The following PIAS2 variants were observed in gnomAD, a reference collection of about 807,000 sequenced individuals.
PIAS2 encodes E3 SUMO-protein ligase PIAS2.
PIAS2 carries 19 observed loss-of-function variants against 69.7 expected under a neutral mutation model. The ratio of observed to expected loss-of-function variants is 0.27; its 90% CI spans 0.19 to 0.40. The LOEUF (loss-of-function observed/expected upper bound fraction) is 0.40, where lower values mean the gene tolerates loss of function less well. Among genes scored for constraint, PIAS2 ranks in the 10% least tolerant of loss-of-function variants. The pLI, the probability that PIAS2 is intolerant of heterozygous loss-of-function variation, is 1.00. For synonymous variants in PIAS2, 261 were observed against 263.2 expected (o/e 0.99, Z 0.08); for missense variants, 624 against 757.0 (o/e 0.82, Z 2.06).
intron 3 of PIAS2, among the ~76,000 whole-genome samples, chr18:46,856,243 C>T (rs1467807256): frequency 1.3e-5 from 2 of 151,860 alleles, no homozygotes; most frequent in Non-Finnish European, 2.9e-5. Context: ...CCTCGTGATC[C>T]GTCCGCCTTG....
At chr18:46,885,701 ATAGG>A (rs920851517) in intron 2 of PIAS2, among the ~76,000 whole-genome samples, 13 of 151,836 alleles carry the variant, frequency 8.6e-5, no homozygotes, top group African/African-American at 2.9e-4. Context: ...AAAAACAGTG[ATAGG>A]TAGGATTCCT....
At chr18:46,900,643 C>A (rs1598988703) in intron 1 of PIAS2, among the ~76,000 whole-genome samples, 1 of 151,488 alleles carries the variant, frequency 6.6e-6, no homozygotes, top group Non-Finnish European at 1.5e-5. Flanking sequence ...TGCCAATATT[C>A]CCAGCCTGGG....
intron 2 of PIAS2, among the ~76,000 whole-genome samples, chr18:46,888,295 A>T (rs1361469300): frequency 6.6e-6 from 1 of 152,118 alleles, no homozygotes; most frequent in South Asian, 2.1e-4. Flanking sequence ...GAAAGACTTA[A>T]TATTGCTAAG....
intron 5 of PIAS2, among the ~76,000 whole-genome samples, chr18:46,848,693 G>C (rs2046507987): frequency 6.6e-6 from 1 of 152,010 alleles, no homozygotes; most frequent in South Asian, 2.1e-4. Context: ...AAAAACGTTT[G>C]AGCAGGGGAA....
At chr18:46,830,016 A>G (rs1012692128) in intron 9 of PIAS2, 149 bp from the exon 10 acceptor site, 17 of 626,294 alleles carry the variant, frequency 2.7e-5, no homozygotes, top group Non-Finnish European at 4.6e-5. Context: ...CTTTACAACA[A>G]TTATTACACT....
At chr18:46,870,115 A>T (rs1215107426) in intron 2 of PIAS2, among the ~76,000 whole-genome samples, 3 of 151,874 alleles carry the variant, frequency 2.0e-5, no homozygotes, top group Non-Finnish European at 4.4e-5. Context: ...TGCCCTCCCT[A>T]ACCACACGTC....
Position 46,888,804 on chromosome 18 carries a change from T to TTCCTGCTGCTCACC in PIAS2, c.499+1762_499+1775dup, listed in dbSNP as rs529727048. Among the ~76,000 whole-genome samples the TTCCTGCTGCTCACC allele has an allele frequency of 2.0e-3, 309 of 152,272 alleles. 1 individual carries two copies. The highest frequency in any genetic ancestry group is 7.2e-3 in the African/African-American group (299 of 41,550). ...TGGAGCTCAGGCTGTAATGCTCGAATTCCTGCTGCTCACCTCCTGCTGCTC... is the reference window on the plus strand; with the variant it reads ...TGGAGCTCAGGCTGTAATGCTCGAATTCCTGCTGCTCACCTCCTGCTGCTCACCTCCTGCTGCTC... On this transcript the variant is annotated intron_variant, in intron 2 of 13. Coordinates refer to ENST00000585916, the MANE Select transcript of PIAS2 (RefSeq NM_004671.5).
rs1226622559 is a variant in PIAS2 at position 46,810,910 on chromosome 18, G to A, written c.*1523C>T. ...TTAAAAAAAGGACTTTGTTTTTAAG[G>A]TAGATAAAGCTTAGAGAGAGAAAGC... On this transcript the variant is annotated 3_prime_UTR_variant, in exon 14 of 14. Coordinates refer to ENST00000585916, the MANE Select transcript of PIAS2 (RefSeq NM_004671.5). 2 of 152,022 alleles carry A rather than the reference G, an allele frequency of 1.3e-5. No homozygotes were observed. The highest frequency in any genetic ancestry group is 2.9e-5 in the Non-Finnish European group (2 of 68,010). 9.4% of individuals were successfully genotyped at this position (152,022 alleles called of 1,614,324 possible).
At chr18:46,916,909 CAAGT>C (rs1402006874) in intron 1 of PIAS2, 1 of 985,416 alleles carries the variant, frequency 1.0e-6, no homozygotes, top group Non-Finnish European at 1.2e-6. Flanking sequence ...AGTCCTCCAC[CAAGT>C]GAGTAGCATG....
At chr18:46,903,674 T>C (rs1166092220) in intron 1 of PIAS2, 3 of 152,144 alleles carry the variant, frequency 2.0e-5, no homozygotes, top group African/African-American at 7.2e-5. Flanking sequence ...AAACTATACA[T>C]ACAATGACCA....
chr18:46,837,098 A>C (rs546205510), intron 8 of PIAS2, among the ~76,000 whole-genome samples: 69 of 152,238 alleles, frequency 4.5e-4, no homozygotes, highest in African/African-American at 1.7e-3. Context: ...TATTTCTAAG[A>C]TTTTTATATT....
chr18:46,906,770 GT>G lies in PIAS2; in HGVS notation c.24+10551del, dbSNP rs1283853658. Among the ~76,000 whole-genome samples the G allele has an allele frequency of 2.8e-4, 33 of 119,300 alleles. 2 individuals carry two copies. Among genetic ancestry groups the G allele is most frequent in the East Asian group, 1.2e-3 (5 of 4,050 alleles). 78.3% of individuals were successfully genotyped at this position (119,300 alleles called of 152,430 possible). ...AAATACCAACAAGATGTATGTGTGT[GT>G]GTGGGGGGGGGGGGAGGTGTATAAC... On this transcript the variant is annotated intron_variant, in intron 1 of 13. Transcript: ENST00000585916.
At chr18:46,853,199 C>G (rs898233705) in intron 5 of PIAS2, 1 of 151,640 alleles carries the variant, frequency 6.6e-6, no homozygotes, top group Admixed American at 6.6e-5. Context: ...ATCGCTTGAG[C>G]CTCTAGGAGG....
At chr18:46,843,556 G>T (rs1020446402) in intron 8 of PIAS2, among the ~76,000 whole-genome samples, 2 of 152,130 alleles carry the variant, frequency 1.3e-5, no homozygotes, top group Non-Finnish European at 2.9e-5. Context: ...TAGCTCAGTG[G>T]CAAGTACACA....
chr18:46,855,860 T>A (rs1239288142), intron 3 of PIAS2, among the ~76,000 whole-genome samples: 1 of 152,140 alleles, frequency 6.6e-6, no homozygotes, highest in Non-Finnish European at 1.5e-5. Context: ...GGAACTTTGA[T>A]GATGCAAAAT....
chr18:46,916,754 G>T, intron 1 of PIAS2: 1 of 904,064 alleles, frequency 1.1e-6, no homozygotes, highest in Non-Finnish European at 1.3e-6. Flanking sequence ...TTGAAGGCAG[G>T]GATCCCCAAA....
intron 1 of PIAS2, among the ~76,000 whole-genome samples, chr18:46,898,092 T>A (rs532090908): frequency 6.6e-6 from 1 of 152,126 alleles, no homozygotes; most frequent in Non-Finnish European, 1.5e-5. Flanking sequence ...TGGGTCCAAG[T>A]GATCCTTCCA....
chr18:46,871,299 C>T (rs981600734), intron 2 of PIAS2, among the ~76,000 whole-genome samples: 2 of 152,112 alleles, frequency 1.3e-5, no homozygotes, highest in Admixed American at 6.6e-5. Context: ...AGACAAGGCC[C>T]ACTGATACTA....
intron 2 of PIAS2, among the ~76,000 whole-genome samples, chr18:46,872,050 C>T (rs1213823304): frequency 3.9e-5 from 6 of 152,206 alleles, no homozygotes; most frequent in Admixed American, 1.3e-4. Context: ...ATATCCCATT[C>T]CCCTAGAGGG....
Sources: allele counts gnomAD v4.1 joint callset (sites outside exome capture counted in the v4.1 genomes callset), GRCh38; gene constraint gnomAD v4.1.1; transcripts MANE v1.5; gene names NCBI Gene and HGNC (gene_info 2026-07-23, HGNC 2026-07-21).